The following RAB6A variants were observed in gnomAD, a reference collection of about 807,000 sequenced individuals.
RAB6A encodes the protein ras-related protein Rab-6A.
Under a neutral mutation model 32.3 loss-of-function variants are expected in RAB6A, and 8 were observed. The ratio of observed to expected loss-of-function variants is 0.25; its 90% confidence interval spans 0.15 to 0.45. RAB6A has a LOEUF of 0.45. Among genes scored for constraint, RAB6A ranks in the 20% least tolerant of loss-of-function variants. The pLI is 1.00. For missense variants in RAB6A, 104 were observed against 249.4 expected, an observed-to-expected ratio of 0.42 and a Z score of 3.93; for synonymous variants, 73 against 82.1, an observed-to-expected ratio of 0.89 and a Z score of 0.60.
intron 1 of RAB6A, among the ~76,000 whole-genome samples, chr11:73,732,357 C>T (rs575160126): frequency 4.6e-5 from 7 of 152,096 alleles, no homozygotes; most frequent in African/African-American, 1.2e-4. Context: ...GAGGCCGAGG[C>T]GGGCGGATCA....
At chr11:73,726,388 C>A (rs985635407) in intron 2 of RAB6A, among the ~76,000 whole-genome samples, 6 of 151,044 alleles carry the variant, frequency 4.0e-5, no homozygotes, top group African/African-American at 1.5e-4. Context: ...CGAGACCATC[C>A]TGGCTAGCAC....
chr11:73,728,986 A>G (rs1376234613), intron 2 of RAB6A, among the ~76,000 whole-genome samples: 4 of 151,844 alleles, frequency 2.6e-5, no homozygotes, highest in Non-Finnish European at 4.4e-5. Flanking sequence ...CCGATTTTCT[A>G]TTTCTTCTTG....
At chr11:73,739,303 AT>A (rs1311432741) in intron 1 of RAB6A, among the ~76,000 whole-genome samples, 2 of 99,088 alleles carry the variant, frequency 2.0e-5, no homozygotes, top group Non-Finnish European at 4.2e-5. Flanking sequence ...ATATATATAT[AT>A]AAATACTGGA....
chr11:73,730,864 T>G (rs772401829), intron 1 of RAB6A, 41 bp from the exon 2 acceptor site: 2 of 1,510,186 alleles, frequency 1.3e-6, no homozygotes, highest in Non-Finnish European at 1.8e-6. Context: ...GTGAACACAT[T>G]ACATTGGGTT....
At chr11:73,731,237 A>G (rs1946296490) in intron 1 of RAB6A, among the ~76,000 whole-genome samples, 1 of 152,068 alleles carries the variant, frequency 6.6e-6, no homozygotes, top group South Asian at 2.1e-4. Flanking sequence ...TACAAGAACT[A>G]CACTGTTTTA....
intron 5 of RAB6A, among the ~76,000 whole-genome samples, chr11:73,715,252 G>A (rs953276791): frequency 7.9e-5 from 12 of 151,872 alleles, no homozygotes; most frequent in African/African-American, 1.7e-4. Context: ...TCAGCCTCCC[G>A]AGTAGCTGGG....
intron 1 of RAB6A, among the ~76,000 whole-genome samples, chr11:73,757,616 G>C (rs1205437906): frequency 6.6e-6 from 1 of 151,988 alleles, no homozygotes; most frequent in Non-Finnish European, 1.5e-5. Flanking sequence ...GACGAATTTT[G>C]CTCAACTCAA....
At position 73,679,679 on chromosome 11, in the gene RAB6A, G is replaced by A. The variant is rs1945323559; in HGVS notation, c.537C>T (p.Ser179=). 3.1e-6 allele frequency: 5 copies of A among 1,614,128 alleles called. No homozygotes were observed. In the African/African-American group the frequency reaches 5.3e-5, roughly 17 times the overall value. The change falls in exon 7 of 8, where the codon AGC becomes AGT. Residue 179 remains serine (S), a synonymous_variant. Coordinates refer to ENST00000336083, the MANE Select transcript of RAB6A (RefSeq NM_198896.2). ...RVAAALPGME[S]TQDRSREDMI... is the part of the protein sequence containing the mutation. The stretch of plus-strand genomic sequence containing the variant: ...TATCTTCTCTGCTTCTGTCCTGTGT[G>A]CTTTCCATTCCCGGCAAAGCTGCTG...
intron 6 of RAB6A, among the ~76,000 whole-genome samples, chr11:73,700,455 C>T (rs1423400421): frequency 4.6e-5 from 7 of 151,756 alleles, no homozygotes; most frequent in Non-Finnish European, 7.4e-5. Context: ...ATAGTGGGGG[C>T]CTGTAGTCCT....
At chr11:73,706,988 C>T (rs1000405528) in intron 6 of RAB6A, among the ~76,000 whole-genome samples, 4 of 151,946 alleles carry the variant, frequency 2.6e-5, no homozygotes, top group African/African-American at 9.7e-5. Flanking sequence ...CATGGTGGCG[C>T]ATGCCAGTAA....
At position 73,742,572 on chromosome 11, in the gene RAB6A, G is replaced by A. The variant is rs373981625; in HGVS notation, c.71-11749C>T. On this transcript the variant is annotated intron_variant, in intron 1 of 7. Coordinates refer to ENST00000336083, the MANE Select transcript of RAB6A (RefSeq NM_198896.2). Reference sequence around the variant, plus strand: ...CACGCCTGTAATCCCAACACACTGGGAGGCTGAGGCAGGTGGATCACCTGA... The same window carrying A: ...CACGCCTGTAATCCCAACACACTGGAAGGCTGAGGCAGGTGGATCACCTGA... 9.7e-4 allele frequency among the ~76,000 whole-genome samples: 148 copies of A among 152,342 alleles called. 3 individuals are homozygous for A. In the South Asian group the frequency reaches 0.019, roughly 20 times the overall value.
At chr11:73,737,839 A>T (rs1322914304) in intron 1 of RAB6A, among the ~76,000 whole-genome samples, 1 of 151,982 alleles carries the variant, frequency 6.6e-6, no homozygotes, top group Non-Finnish European at 1.5e-5. Flanking sequence ...CTTAAAAAAA[A>T]TACAAAAATT....
At position 73,689,423 on chromosome 11, in the gene RAB6A, T is replaced by C. The variant is rs929435430; in HGVS notation, c.496-9703A>G. On this transcript the variant is annotated intron_variant, in intron 6 of 7. Coordinates refer to ENST00000336083, the MANE Select transcript of RAB6A (RefSeq NM_198896.2). Reference sequence around the variant, plus strand: ...GGAGGCAGAGCTCAGGCTGTAATGCTGGCTTACCTGCTGCTCATCTCCTGC... The same window carrying C: ...GGAGGCAGAGCTCAGGCTGTAATGCCGGCTTACCTGCTGCTCATCTCCTGC... Among the ~76,000 whole-genome samples the C allele has an allele frequency of 3.3e-5, 5 of 152,226 alleles. No homozygotes were observed. In the South Asian group the frequency reaches 1.0e-3, roughly 31 times the overall value.
chr11:73,695,386 T>G (rs1565350338), intron 6 of RAB6A, among the ~76,000 whole-genome samples: 1 of 151,582 alleles, frequency 6.6e-6, no homozygotes, highest in East Asian at 1.9e-4. Flanking sequence ...TTTGTTTTTT[T>G]TTTTCTTTTT....
intron 1 of RAB6A, among the ~76,000 whole-genome samples, chr11:73,731,254 A>C (rs1199510307): frequency 6.6e-6 from 1 of 152,142 alleles, no homozygotes; most frequent in Non-Finnish European, 1.5e-5. Context: ...TTTAAGAGTG[A>C]GAAAAACTGG....
chr11:73,733,180 A>G (rs1411508583), intron 1 of RAB6A, among the ~76,000 whole-genome samples: 1 of 152,012 alleles, frequency 6.6e-6, no homozygotes, highest in Non-Finnish European at 1.5e-5. Context: ...TGTTACATTG[A>G]TTTTTTTGTT....
chr11:73,746,792 T>C (rs1946594968), intron 1 of RAB6A, among the ~76,000 whole-genome samples: 1 of 148,926 alleles, frequency 6.7e-6, no homozygotes, highest in Non-Finnish European at 1.5e-5. Flanking sequence ...AAAAAGTGAG[T>C]TGTAGAACCA....
chr11:73,731,375 T>C (rs953496114), intron 1 of RAB6A, among the ~76,000 whole-genome samples: 7 of 151,616 alleles, frequency 4.6e-5, no homozygotes, highest in African/African-American at 1.7e-4. Flanking sequence ...AAATCGTGTC[T>C]CTACTAAAAA....
At chr11:73,680,939 C>T (rs1945346885) in intron 6 of RAB6A, among the ~76,000 whole-genome samples, 1 of 152,154 alleles carries the variant, frequency 6.6e-6, no homozygotes, top group African/African-American at 2.4e-5. Flanking sequence ...CATATGAGAA[C>T]AGATACTGGA....
Sources: gnomAD v4.1 joint callset for allele counts (sites outside exome capture counted in the v4.1 genomes callset) on GRCh38, gnomAD v4.1.1 for gene constraint, MANE v1.5 for transcripts, NCBI Gene and HGNC (gene_info 2026-07-23, HGNC 2026-07-21) for gene names.